SHANK2: variants seen among roughly 807,000 people sequenced by gnomAD.
SHANK2 encodes the protein SH3 and multiple ankyrin repeat domains protein 2.
SHANK2 carries 43 observed loss-of-function variants against 133.7 expected under a neutral mutation model. The observed-to-expected ratio is 0.32, with a 90% CI of 0.25 to 0.41. SHANK2 has a LOEUF of 0.41. SHANK2 is among the 10% of genes least tolerant of loss of function. SHANK2 has a pLI of 1.00. For synonymous variants in SHANK2, 1,017 were observed against 952.8 expected (o/e 1.07, Z -1.24); for missense variants, 1,994 against 2,235.8 (o/e 0.89, Z 2.18).
At chr11:70,858,100 A>C (rs1273791545) in intron 11 of SHANK2, among the ~76,000 whole-genome samples, 1 of 152,218 alleles carries the variant, frequency 6.6e-6, no homozygotes, top group African/African-American at 2.4e-5. Context: ...CAAATGTGCC[A>C]GGAGCTAAAT....
At chr11:70,583,932 C>T (rs186428824) in intron 17 of SHANK2, among the ~76,000 whole-genome samples, 22 of 152,360 alleles carry the variant, frequency 1.4e-4, no homozygotes, top group Admixed American at 7.2e-4. Flanking sequence ...TTGCCACTCT[C>T]TGCAGCTTGC....
chr11:71,120,309 C>G (rs1952058921), intron 3 of SHANK2, among the ~76,000 whole-genome samples: 1 of 152,198 alleles, frequency 6.6e-6, no homozygotes, highest in Admixed American at 6.5e-5. Context: ...CAGCTGTCAG[C>G]AGGGGCTCAA....
At chr11:71,077,001 GGAAA>G (rs1951229371) in intron 8 of SHANK2, among the ~76,000 whole-genome samples, 1 of 152,170 alleles carries the variant, frequency 6.6e-6, no homozygotes, top group African/African-American at 2.4e-5. Flanking sequence ...AGAAAGGAAA[GGAAA>G]GAAAGAGAGA....
chr11:71,176,066 T>C (rs960930249), intron 2 of SHANK2, among the ~76,000 whole-genome samples: 3 of 152,158 alleles, frequency 2.0e-5, no homozygotes, highest in African/African-American at 4.8e-5. Context: ...ACTAATTACA[T>C]AGGCCAGGAA....
chr11:70,578,921 G>A (rs1422919128), intron 17 of SHANK2, among the ~76,000 whole-genome samples: 2 of 152,262 alleles, frequency 1.3e-5, no homozygotes, highest in South Asian at 2.1e-4. Flanking sequence ...CAGGATGGGC[G>A]GCCTCCCCTT....
At chr11:71,237,076 C>T (rs1954834259) in intron 1 of SHANK2, among the ~76,000 whole-genome samples, 1 of 152,196 alleles carries the variant, frequency 6.6e-6, no homozygotes, top group South Asian at 2.1e-4. Flanking sequence ...GAAATGGTCA[C>T]CGTTCGCTCT....
At chr11:70,889,145 C>G (rs1322169226) in intron 11 of SHANK2, among the ~76,000 whole-genome samples, 1 of 152,128 alleles carries the variant, frequency 6.6e-6, no homozygotes, top group East Asian at 1.9e-4. Context: ...TGAAGGATCT[C>G]AAGATGAGAT....
At chr11:70,618,664 C>T (rs781969612) in intron 17 of SHANK2, among the ~76,000 whole-genome samples, 12 of 152,324 alleles carry the variant, frequency 7.9e-5, no homozygotes, top group Non-Finnish European at 1.3e-4. Context: ...TAATTAACAC[C>T]GACTGGGAGA....
chr11:70,889,979 C>T (rs908570844), intron 11 of SHANK2, among the ~76,000 whole-genome samples: 7 of 152,078 alleles, frequency 4.6e-5, no homozygotes, highest in Non-Finnish European at 5.9e-5. Flanking sequence ...TTTTCCTGAG[C>T]GGGTGTGGTG....
intron 14 of SHANK2, among the ~76,000 whole-genome samples, chr11:70,789,022 T>A (rs930781877): frequency 1.3e-5 from 2 of 152,038 alleles, no homozygotes; most frequent in Non-Finnish European, 1.5e-5. Context: ...CAAATGGCAA[T>A]GCTAAGCTGT....
chr11:70,664,384 G>T (rs1555014311), intron 15 of SHANK2, among the ~76,000 whole-genome samples: 1 of 152,186 alleles, frequency 6.6e-6, no homozygotes, highest in African/African-American at 2.4e-5. Flanking sequence ...TTCTCTAAAG[G>T]CCAAGGCTGC....
At chr11:70,476,813 C>T (rs1353018479) in intron 25 of SHANK2, among the ~76,000 whole-genome samples, 7 of 152,324 alleles carry the variant, frequency 4.6e-5, no homozygotes, top group South Asian at 2.1e-4. Flanking sequence ...GCAGCTCCAC[C>T]GTGGCAGCAT....
intron 25 of SHANK2, chr11:70,474,741 C>G (rs142094956): frequency 1.3e-5 from 2 of 152,230 alleles, no homozygotes; most frequent in Admixed American, 1.3e-4. Flanking sequence ...GCCCACCCAC[C>G]GCTTCTGAAA....
chr11:71,246,436 G>C lies in SHANK2; in HGVS notation c.-113+5989C>G, dbSNP rs147154437. Among the ~76,000 whole-genome samples the C allele has an allele frequency of 1.6e-3, 251 of 152,298 alleles. 2 individuals are homozygous for C. The highest frequency in any genetic ancestry group is 5.9e-3 in the African/African-American group (245 of 41,562). Reference sequence around the variant, plus strand: ...GGGAGGCAGCAAAGCCTGGCAGTATGCAGAGCACACACCTGGCATCACATG... The same window carrying C: ...GGGAGGCAGCAAAGCCTGGCAGTATCCAGAGCACACACCTGGCATCACATG... On this transcript the variant is annotated intron_variant, in intron 1 of 25. Transcript: ENST00000601538.
intron 11 of SHANK2, among the ~76,000 whole-genome samples, chr11:70,861,918 A>G (rs3019843): frequency 1.3e-5 from 2 of 152,292 alleles, no homozygotes; most frequent in Admixed American, 1.3e-4. Context: ...AGCAGAGCCC[A>G]ATTTGGATAG....
At chr11:70,560,085 T>G (rs1261539703) in intron 17 of SHANK2, among the ~76,000 whole-genome samples, 3 of 152,098 alleles carry the variant, frequency 2.0e-5, no homozygotes, top group Non-Finnish European at 4.4e-5. Context: ...TTGACCAGGC[T>G]GGTCTCGAAC....
intron 2 of SHANK2, among the ~76,000 whole-genome samples, chr11:71,170,118 A>G (rs989915631): frequency 6.6e-6 from 1 of 152,204 alleles, no homozygotes; most frequent in Non-Finnish European, 1.5e-5. Flanking sequence ...AATCATGAAA[A>G]ATGTTTAATG....
At chr11:70,705,742 T>C (rs1555024758) in intron 14 of SHANK2, 1 of 152,248 alleles carries the variant, frequency 6.6e-6, no homozygotes, top group Non-Finnish European at 1.5e-5. Context: ...CAGTGCATCA[T>C]ATAGCAAGGG....
At chr11:70,709,735 G>A (rs1555025745) in intron 14 of SHANK2, among the ~76,000 whole-genome samples, 1 of 152,112 alleles carries the variant, frequency 6.6e-6, no homozygotes, top group Non-Finnish European at 1.5e-5. Flanking sequence ...GCTGGCAAAG[G>A]TACGCAAGTA....
Sources: allele counts gnomAD v4.1 joint callset (sites outside exome capture counted in the v4.1 genomes callset), GRCh38; gene constraint gnomAD v4.1.1; transcripts MANE v1.5; gene names NCBI Gene and HGNC (gene_info 2026-07-23, HGNC 2026-07-21).